NUMB: variants seen among roughly 807,000 people sequenced by gnomAD.
NUMB encodes protein numb homolog.
Under a neutral mutation model 59.7 loss-of-function variants are expected in NUMB, and 29 were observed. That is an observed-to-expected ratio of 0.49 (90% CI 0.36 to 0.66). The LOEUF is 0.66. NUMB is among the 30% of genes least tolerant of loss of function. The pLI is 0.00. For synonymous variants in NUMB, 288 were observed against 288.2 expected, an observed-to-expected ratio of 1.00 and a Z score of 0.01; for missense variants, 723 against 822.0, an observed-to-expected ratio of 0.88 and a Z score of 1.47.
At chr14:73,307,290 C>T (rs1480838679) in intron 6 of NUMB, among the ~76,000 whole-genome samples, 1 of 140,834 alleles carries the variant, frequency 7.1e-6, no homozygotes, top group African/African-American at 2.8e-5. Context: ...GCCTGGGCAA[C>T]AGAGTGAGAC....
chr14:73,327,397 C>A (rs1020006350), intron 4 of NUMB, among the ~76,000 whole-genome samples: 1 of 152,154 alleles, frequency 6.6e-6, no homozygotes, highest in Non-Finnish European at 1.5e-5. Context: ...GCTGGGACTA[C>A]AGGCGTGTGC....
intron 2 of NUMB, among the ~76,000 whole-genome samples, chr14:73,405,433 CTCT>C (rs1896610805): frequency 3.5e-5 from 4 of 115,226 alleles, no homozygotes; most frequent in African/African-American, 1.2e-4. Flanking sequence ...TTTTTTCTTT[CTCT>C]TTTTTTTTTT....
At chr14:73,338,064 T>C (rs1892441320) in intron 4 of NUMB, among the ~76,000 whole-genome samples, 1 of 152,102 alleles carries the variant, frequency 6.6e-6, no homozygotes, top group Non-Finnish European at 1.5e-5. Flanking sequence ...GTGGGAGAAT[T>C]GCTTGAGGCC....
intron 1 of NUMB, among the ~76,000 whole-genome samples, chr14:73,428,017 C>CT (rs1186828872): frequency 3.3e-5 from 5 of 152,070 alleles, no homozygotes; most frequent in Admixed American, 6.6e-5. Flanking sequence ...CCTAAGCAAA[C>CT]TTTAAGTGTT....
chr14:73,351,736 G>A (rs1423771793), intron 4 of NUMB, among the ~76,000 whole-genome samples: 3 of 152,162 alleles, frequency 2.0e-5, no homozygotes, highest in African/African-American at 7.2e-5. Context: ...CAGCACTTTG[G>A]GAGGCTGAGA....
intron 6 of NUMB, among the ~76,000 whole-genome samples, chr14:73,309,513 T>C (rs920161898): frequency 6.6e-5 from 10 of 151,384 alleles, no homozygotes; most frequent in African/African-American, 2.2e-4. Flanking sequence ...TAATTGGGAG[T>C]TGAACAATGA....
chr14:73,408,895 A>G (rs1165926374), intron 2 of NUMB, among the ~76,000 whole-genome samples: 1 of 151,358 alleles, frequency 6.6e-6, no homozygotes, highest in Non-Finnish European at 1.5e-5. Context: ...AAAAAAAAGA[A>G]AGAAAGAAAG....
At chr14:73,371,261 C>G (rs1410012418) in intron 2 of NUMB, among the ~76,000 whole-genome samples, 1 of 152,132 alleles carries the variant, frequency 6.6e-6, no homozygotes, top group African/African-American at 2.4e-5. Context: ...AACAGCCGGG[C>G]TCAGTGGCTC....
intron 2 of NUMB, among the ~76,000 whole-genome samples, chr14:73,369,811 A>C (rs906687604): frequency 3.9e-5 from 6 of 152,198 alleles, no homozygotes; most frequent in African/African-American, 1.4e-4. Context: ...AAACACATAT[A>C]ATTAGAATCC....
chr14:73,428,734 C>T (rs1053679469), intron 1 of NUMB, among the ~76,000 whole-genome samples: 1 of 152,096 alleles, frequency 6.6e-6, no homozygotes, highest in Non-Finnish European at 1.5e-5. Context: ...TGAGCTTGAG[C>T]TCAGGAGTTC....
intron 1 of NUMB, among the ~76,000 whole-genome samples, chr14:73,440,998 C>G (rs1392592305): frequency 6.7e-6 from 1 of 149,004 alleles, no homozygotes; most frequent in Non-Finnish European, 1.5e-5. Flanking sequence ...CTTCAAAGAA[C>G]ATCAAGAAAG....
chr14:73,392,106 G>A (rs1895883761), intron 2 of NUMB, among the ~76,000 whole-genome samples: 1 of 152,138 alleles, frequency 6.6e-6, no homozygotes. Context: ...TACAACCAAT[G>A]TGAACTGGAG....
chr14:73,301,545 C>G (rs1890129019), intron 6 of NUMB, among the ~76,000 whole-genome samples: 2 of 152,168 alleles, frequency 1.3e-5, no homozygotes. Context: ...TCCAGTAATT[C>G]TCCCACTTCA....
chr14:73,405,794 T>A (rs910460294), intron 2 of NUMB, among the ~76,000 whole-genome samples: 1 of 151,976 alleles, frequency 6.6e-6, no homozygotes, highest in African/African-American at 2.4e-5. Context: ...TTGGGTTTTT[T>A]TTCTTCTCTC....
intron 6 of NUMB, among the ~76,000 whole-genome samples, chr14:73,313,350 C>G (rs984925043): frequency 1.5e-4 from 22 of 151,558 alleles, no homozygotes; most frequent in African/African-American, 4.9e-4. Flanking sequence ...GATTGCTTAT[C>G]AGTAGCATAT....
At chr14:73,442,751 G>A (rs556987709) in intron 1 of NUMB, among the ~76,000 whole-genome samples, 29 of 152,294 alleles carry the variant, frequency 1.9e-4, no homozygotes, top group African/African-American at 2.9e-4. Context: ...AGTTGCCTGC[G>A]GGAATAGAAA....
At chr14:73,444,912 T>C (rs1421966710) in intron 1 of NUMB, among the ~76,000 whole-genome samples, 1 of 149,460 alleles carries the variant, frequency 6.7e-6, no homozygotes, top group African/African-American at 2.5e-5. Flanking sequence ...ATTTAAGAAC[T>C]CTAGATACCT....
chr14:73,343,772 A>ATTTAGCCT (rs369258677), intron 4 of NUMB, among the ~76,000 whole-genome samples: 117,601 of 152,132 alleles, frequency 0.77, 45,940 homozygotes, highest in African/African-American at 0.88. Context: ...GATATCAAAA[A>ATTTAGCCT]GGAGATAGTC....
chr14:73,365,167 G>A (rs1444655416), intron 3 of NUMB, among the ~76,000 whole-genome samples: 1 of 152,120 alleles, frequency 6.6e-6, no homozygotes, highest in East Asian at 1.9e-4. Context: ...AGCCTGCTAA[G>A]TAGCTGGGAT....
Sources: allele counts gnomAD v4.1 joint callset (sites outside exome capture counted in the v4.1 genomes callset), GRCh38; gene constraint gnomAD v4.1.1; transcripts MANE v1.5; gene names NCBI Gene and HGNC (gene_info 2026-07-23, HGNC 2026-07-21).